The following JCAD variants were observed in gnomAD, a reference collection of about 807,000 sequenced individuals.
The protein encoded by JCAD is junctional cadherin 5 associated.
JCAD carries 40 observed loss-of-function variants against 98.0 expected under a neutral mutation model. That is an observed-to-expected ratio of 0.41 (90% CI 0.32 to 0.53). The LOEUF (loss-of-function observed/expected upper bound fraction) is 0.53. JCAD is among the 20% of genes least tolerant of loss of function. The pLI is 0.31. For missense variants in JCAD, 1,705 were observed against 1,738.1 expected (o/e 0.98, Z 0.34); for synonymous variants, 691 against 682.3 (o/e 1.01, Z -0.20).
At chr10:30,061,489 C>T (rs182215002), upstream of JCAD, among the ~76,000 whole-genome samples, 661 of 151,422 alleles carry the variant, frequency 4.4e-3, 7 homozygotes, top group South Asian at 0.045. Flanking sequence ...TTGCAGTGAG[C>T]CAGGATCATG....
At chr10:30,084,687 C>T (rs569701372) in intron 1 of JCAD, among the ~76,000 whole-genome samples, 1 of 152,266 alleles carries the variant, frequency 6.6e-6, no homozygotes, top group South Asian at 2.1e-4. Flanking sequence ...GTACCATCAG[C>T]TCTCCTGGGT....
intron 1 of JCAD, among the ~76,000 whole-genome samples, chr10:30,108,141 C>T (rs61841141): frequency 0.25 from 38,157 of 151,682 alleles, 5,214 homozygotes; most frequent in East Asian, 0.34. Context: ...GGTGAAACCC[C>T]GTCTCTACTA....
intron 3 of JCAD, among the ~76,000 whole-genome samples, chr10:30,022,763 G>A (rs929469064): frequency 2.6e-5 from 4 of 152,168 alleles, no homozygotes; most frequent in African/African-American, 7.2e-5. Context: ...GGTCCCATAA[G>A]ATAATAATGA....
Position 30,026,837 on chromosome 10 carries a change from C to T in JCAD, c.3311G>A (p.Arg1104Gln), listed in dbSNP as rs369336931. The T allele has an allele frequency of 1.4e-5, 23 of 1,613,884 alleles. No individual in the cohort carries two copies. Among genetic ancestry groups the T allele is most frequent in the Non-Finnish European group, 1.9e-5 (23 of 1,180,040 alleles). Residue 1104 changes from arginine to glutamine, a missense_variant, in exon 3 of 4, where the codon CGG becomes CAG. Coordinates refer to ENST00000375377, the MANE Select transcript of JCAD (RefSeq NM_020848.4). ...VAVESLLPGIRRAGQNQPAEP... is the reference protein window; with the variant it reads ...VAVESLLPGIQRAGQNQPAEP... ...AGCAGGCTGGTTCTGTCCCGCTCTCCGGATGCCCGGCAGGAGGGACTCCAC... is the reference window on the plus strand; with the variant it reads ...AGCAGGCTGGTTCTGTCCCGCTCTCTGGATGCCCGGCAGGAGGGACTCCAC...
chr10:30,039,867 C>G (rs1837206584), intron 2 of JCAD, among the ~76,000 whole-genome samples: 1 of 152,350 alleles, frequency 6.6e-6, no homozygotes, highest in East Asian at 1.9e-4. Flanking sequence ...GATGCCTCAT[C>G]TGTACTGCAG....
chr10:30,040,802 G>A (rs537794369), intron 2 of JCAD, among the ~76,000 whole-genome samples: 27 of 152,294 alleles, frequency 1.8e-4, no homozygotes, highest in African/African-American at 6.5e-4. Context: ...CAGAGGCACA[G>A]CCATCTTTGA....
intron 1 of JCAD, among the ~76,000 whole-genome samples, chr10:30,073,348 G>T (rs1440931879): frequency 6.6e-6 from 1 of 152,192 alleles, no homozygotes; most frequent in South Asian, 2.1e-4. Flanking sequence ...ATTTAGTACA[G>T]AGCCAACATT....
chr10:30,068,851 C>T (rs1034765872), intron 2 of JCAD, among the ~76,000 whole-genome samples: 3 of 152,154 alleles, frequency 2.0e-5, no homozygotes, highest in African/African-American at 7.2e-5. Context: ...TTCCAACTGG[C>T]CAATCCTAGG....
Position 30,016,731 on chromosome 10 carries a change from GTT to G in JCAD, c.*1150_*1151del, listed in dbSNP as rs1836542910. 6.6e-6 allele frequency: 1 copy of G among 152,112 alleles called. No individual in the cohort carries two copies. The highest frequency in any genetic ancestry group is 1.5e-5 in the Non-Finnish European group (1 of 68,020). 9.4% of individuals were successfully genotyped at this position (152,112 alleles called of 1,614,324 possible). On this transcript the variant is annotated 3_prime_UTR_variant, in exon 4 of 4. Coordinates refer to ENST00000375377, the MANE Select transcript of JCAD (RefSeq NM_020848.4). ...CACACACATACAAAGATAAAACTAT[GTT>G]TTTTGGTAATTCTAGTTGATACGGC...
intron 1 of JCAD, among the ~76,000 whole-genome samples, chr10:30,069,975 G>A (rs1837856921): frequency 6.6e-6 from 1 of 152,068 alleles, no homozygotes; most frequent in Admixed American, 6.6e-5. Flanking sequence ...TCATTGGTTA[G>A]CCTCTTATGG....
intron 3 of JCAD, among the ~76,000 whole-genome samples, chr10:30,019,357 C>CAAAAAAAAAAAA (rs58164754): frequency 1.0e-5 from 1 of 100,304 alleles, no homozygotes; most frequent in Non-Finnish European, 2.0e-5. Context: ...AACTCTGTCT[C>CAAAAAAAAAAAA]AAAAAAAAAA....
At chr10:30,062,363 T>A (rs1452248020), upstream of JCAD, among the ~76,000 whole-genome samples, 1 of 152,150 alleles carries the variant, frequency 6.6e-6, no homozygotes, top group Non-Finnish European at 1.5e-5. Context: ...TCCCTAGCCC[T>A]GCTCTAATGT....
At position 30,024,990 on chromosome 10, in the gene JCAD, C is replaced by T. The variant is rs529992393; in HGVS notation, c.4045+1113G>A. Among the ~76,000 whole-genome samples, 5 of 152,128 alleles carry T rather than the reference C, an allele frequency of 3.3e-5. No homozygotes were observed. The South Asian group carries it at 6.2e-4, about 19-fold the overall frequency. On this transcript the variant is annotated intron_variant, in intron 3 of 3. Transcript: ENST00000375377. The stretch of plus-strand genomic sequence containing the variant: ...GATTACAGGCTTGAGCCACAGCACC[C>T]GGCCCTACATTTTTTTGTTCAATAG...
chr10:30,068,612 CTG>C (rs1488003800), intron 2 of JCAD, among the ~76,000 whole-genome samples: 4 of 152,192 alleles, frequency 2.6e-5, no homozygotes, highest in African/African-American at 7.2e-5. Flanking sequence ...CCTGCCCTAA[CTG>C]TGTTTTCTTA....
intron 1 of JCAD, among the ~76,000 whole-genome samples, chr10:30,105,995 A>G (rs1247597732): frequency 6.6e-6 from 1 of 152,216 alleles, no homozygotes; most frequent in East Asian, 1.9e-4. Context: ...GATCACGTCT[A>G]GGAAGGAACA....
chr10:30,081,620 C>G (rs748032054), intron 1 of JCAD, among the ~76,000 whole-genome samples: 1 of 151,992 alleles, frequency 6.6e-6, no homozygotes, highest in Non-Finnish European at 1.5e-5. Context: ...TTAGTAGAGA[C>G]GGGGTTTCGC....
intron 1 of JCAD, among the ~76,000 whole-genome samples, chr10:30,097,956 C>T (rs1838403238): frequency 6.6e-6 from 1 of 152,144 alleles, no homozygotes; most frequent in Non-Finnish European, 1.5e-5. Flanking sequence ...CACAGAGGCT[C>T]CAGGAAGGGA....
Position 30,025,058 on chromosome 10 carries a change from T to C in JCAD, c.4045+1045A>G, listed in dbSNP as rs965923641. ...CAACTGAAACAACAGCTCTTTTCTA[T>C]CTGCTTCAAAATTCTTGGGTTTCAA... On this transcript the variant is annotated intron_variant, in intron 3 of 3. Coordinates refer to ENST00000375377, the MANE Select transcript of JCAD (RefSeq NM_020848.4). 2.6e-5 allele frequency among the ~76,000 whole-genome samples: 4 copies of C among 152,130 alleles called. No homozygotes were observed. In the East Asian group the frequency reaches 7.7e-4, roughly 29 times the overall value.
chr10:30,078,574 ACGATGATT>A (rs765739917), intron 1 of JCAD, among the ~76,000 whole-genome samples: 29 of 152,204 alleles, frequency 1.9e-4, no homozygotes, highest in Non-Finnish European at 4.1e-4. Context: ...TTTGAGGACA[ACGATGATT>A]GCTCTGATCT....
Sources: allele counts gnomAD v4.1 joint callset (sites outside exome capture counted in the v4.1 genomes callset), GRCh38; gene constraint gnomAD v4.1.1; transcripts MANE v1.5; gene names NCBI Gene and HGNC (gene_info 2026-07-23, HGNC 2026-07-21).